Variants in MYLK observed in about 807,000 individuals in gnomAD.
MYLK encodes the protein myosin light chain kinase, smooth muscle.
MYLK carries 106 observed loss-of-function variants against 203.4 expected under a neutral mutation model. The ratio of observed to expected loss-of-function variants is 0.52; its 90% confidence interval spans 0.45 to 0.61. MYLK has a LOEUF of 0.61. Among genes scored for constraint, MYLK ranks in the 20% least tolerant of loss-of-function variants. MYLK has a pLI of 0.00. For missense variants in MYLK, 2,072 were observed against 2,442.3 expected (o/e 0.85, Z 3.20); for synonymous variants, 867 against 959.5 (o/e 0.90, Z 1.78).
intron 3 of MYLK, among the ~76,000 whole-genome samples, chr3:123,813,319 A>T (rs542571158): frequency 6.6e-6 from 1 of 152,300 alleles, no homozygotes; most frequent in South Asian, 2.1e-4. Flanking sequence ...GGAAGACTGC[A>T]AGGGGAAAAG....
chr3:123,692,513 GA>G, intron 19 of MYLK: 1 of 834,578 alleles, frequency 1.2e-6, no homozygotes, highest in Non-Finnish European at 1.8e-6. Flanking sequence ...ACAGCCAGGG[GA>G]GGGGTGAAGC....
intron 2 of MYLK, among the ~76,000 whole-genome samples, chr3:123,850,196 G>A (rs1207532017): frequency 6.6e-6 from 1 of 152,086 alleles, no homozygotes; most frequent in Non-Finnish European, 1.5e-5. Context: ...TAGTGTTGCA[G>A]TAAACATATG....
intron 20 of MYLK, among the ~76,000 whole-genome samples, chr3:123,680,856 T>C (rs1466251380): frequency 2.0e-5 from 3 of 152,192 alleles, no homozygotes; most frequent in Admixed American, 6.5e-5. Context: ...AAACACAGCA[T>C]GTGCTGGGGA....
At chr3:123,740,391 G>A (rs920481251) in intron 5 of MYLK, among the ~76,000 whole-genome samples, 1 of 152,210 alleles carries the variant, frequency 6.6e-6, no homozygotes, top group African/African-American at 2.4e-5. Flanking sequence ...GGGATTATTT[G>A]GGGGTGATTC....
At chr3:123,680,898 T>C (rs1301270548) in intron 20 of MYLK, 1 of 152,168 alleles carries the variant, frequency 6.6e-6, no homozygotes, top group South Asian at 2.1e-4. Context: ...TCTGTTGAAA[T>C]TGTAGTTTTC....
chr3:123,823,723 A>G (rs950811849), intron 3 of MYLK, among the ~76,000 whole-genome samples: 4 of 152,052 alleles, frequency 2.6e-5, no homozygotes, highest in Non-Finnish European at 5.9e-5. Flanking sequence ...CCCACTACAC[A>G]CAGAATAAAA....
chr3:123,737,694 A>G (rs2062727016), intron 7 of MYLK, 151 bp from the exon 8 acceptor site: 1 of 997,112 alleles, frequency 1.0e-6, no homozygotes, highest in Admixed American at 1.9e-5. Context: ...TCAGAGAGCC[A>G]ACTTTAAACA....
At chr3:123,779,415 C>T (rs1282742182) in intron 4 of MYLK, among the ~76,000 whole-genome samples, 1 of 152,236 alleles carries the variant, frequency 6.6e-6, no homozygotes, top group African/African-American at 2.4e-5. Context: ...TCCAACTCTT[C>T]CAGGCTCATT....
chr3:123,634,540 C>A (rs562158894), intron 29 of MYLK, among the ~76,000 whole-genome samples: 1 of 152,230 alleles, frequency 6.6e-6, no homozygotes, highest in Non-Finnish European at 1.5e-5. Flanking sequence ...CAGCTGACAG[C>A]TGTCTGCACC....
intron 19 of MYLK, among the ~76,000 whole-genome samples, chr3:123,685,399 C>G (rs2060414901): frequency 6.6e-6 from 1 of 152,112 alleles, no homozygotes; most frequent in Non-Finnish European, 1.5e-5. Flanking sequence ...TCAAGACCAG[C>G]GTGGGCAACA....
At chr3:123,753,871 T>C (rs531296488) in intron 4 of MYLK, among the ~76,000 whole-genome samples, 4 of 152,300 alleles carry the variant, frequency 2.6e-5, no homozygotes, top group Admixed American at 2.6e-4. Context: ...ATGTATTCAC[T>C]TCAAGGAAAG....
At chr3:123,854,016 T>C (rs1292307472) in intron 2 of MYLK, among the ~76,000 whole-genome samples, 1 of 151,826 alleles carries the variant, frequency 6.6e-6, no homozygotes, top group East Asian at 1.9e-4. Flanking sequence ...GGGTCTACCA[T>C]GTGAATACCC....
At chr3:123,776,005 C>T (rs1004695362) in intron 4 of MYLK, among the ~76,000 whole-genome samples, 2 of 152,160 alleles carry the variant, frequency 1.3e-5, no homozygotes, top group Admixed American at 6.5e-5. Context: ...TTGCTGTTCT[C>T]GCTCCCTCTG....
rs971009113 is a variant in MYLK at position 123,611,468 on chromosome 3, G to A, written c.*2637C>T. 1.3e-5 allele frequency: 2 copies of A among 152,062 alleles called. No individual in the cohort carries two copies. The highest frequency in any genetic ancestry group is 4.8e-5 in the African/African-American group (2 of 41,352). 9.4% of individuals were successfully genotyped at this position (152,062 alleles called of 1,614,324 possible). A position where few individuals can be genotyped will look rare whatever the true frequency, so the allele number is the denominator to read the frequency against. ...TGATGATGATGATGATGATGATAATGTCACATGTTAAAAATGTCATATAGA... is the reference window on the plus strand; with the variant it reads ...TGATGATGATGATGATGATGATAATATCACATGTTAAAAATGTCATATAGA... On this transcript the variant is annotated 3_prime_UTR_variant, in exon 34 of 34. Transcript: ENST00000360304.
intron 8 of MYLK, among the ~76,000 whole-genome samples, chr3:123,736,438 C>G (rs60564957): frequency 0.013 from 2,044 of 152,158 alleles, 44 homozygotes; most frequent in South Asian, 0.063. Flanking sequence ...CTTCCTGACC[C>G]CCGAGTTCCT....
intron 4 of MYLK, among the ~76,000 whole-genome samples, chr3:123,777,644 G>C (rs1310494060): frequency 6.6e-6 from 1 of 152,256 alleles, no homozygotes; most frequent in East Asian, 1.9e-4. Flanking sequence ...GAAGGGGCCT[G>C]AGCCAGCTTG....
intron 4 of MYLK, among the ~76,000 whole-genome samples, chr3:123,771,297 A>G (rs1034403590): frequency 6.6e-6 from 1 of 152,176 alleles, no homozygotes; most frequent in Non-Finnish European, 1.5e-5. Context: ...TTCTTTCAAG[A>G]TCTTCAAATC....
intron 9 of MYLK, chr3:123,734,583 T>A (rs1016248884): frequency 5.3e-6 from 1 of 187,892 alleles, no homozygotes; most frequent in African/African-American, 2.3e-5. Context: ...TTTAAAAACA[T>A]TAATCAAATT....
chr3:123,785,453 T>C (rs1202958400), intron 4 of MYLK, among the ~76,000 whole-genome samples: 2 of 152,182 alleles, frequency 1.3e-5, no homozygotes, highest in African/African-American at 4.8e-5. Flanking sequence ...TGTGGAAAAT[T>C]TGGGAGCACA....
Sources: allele counts gnomAD v4.1 joint callset (sites outside exome capture counted in the v4.1 genomes callset), GRCh38; gene constraint gnomAD v4.1.1; transcripts MANE v1.5; gene names NCBI Gene and HGNC (gene_info 2026-07-23, HGNC 2026-07-21).